MTM1: variants seen among roughly 807,000 people sequenced by gnomAD.
The protein encoded by MTM1 is myotubularin 1.
A neutral mutation model predicts 52.1 loss-of-function variants in MTM1; 9 were observed. That is an observed-to-expected ratio of 0.17 (90% confidence interval 0.10 to 0.30). The LOEUF (loss-of-function observed/expected upper bound fraction) is 0.30. Ranked by LOEUF, MTM1 falls within the 10% of genes least tolerant of loss-of-function variation. MTM1 has a pLI of 1.00. For synonymous variants in MTM1, 136 were observed against 163.8 expected, an observed-to-expected ratio of 0.83 and a Z score of 1.29; for missense variants, 277 against 470.7, an observed-to-expected ratio of 0.59 and a Z score of 3.81.
chrX:150,582,759 C>A (rs979135904), intron 1 of MTM1, among the ~76,000 whole-genome samples: 1 of 110,181 alleles, frequency 9.1e-6, no homozygotes, highest in Non-Finnish European at 1.9e-5. Context: ...CCCCTAGAGG[C>A]TCCAGATGGC....
At chrX:150,591,025 T>C in intron 1 of MTM1, 1 of 751,295 alleles carries the variant, frequency 1.3e-6, no homozygotes, top group African/African-American at 2.3e-5. Context: ...GTTATTTTGC[T>C]TGGACATGAA....
At chrX:150,619,161 A>G (rs782454309) in intron 6 of MTM1, 22 bp downstream of exon 6, 1 of 1,114,289 alleles carries the variant, frequency 9.0e-7, no homozygotes, top group Non-Finnish European at 1.2e-6. Flanking sequence ...TGCTCTCCTC[A>G]GCGTGGGAAG....
intron 6 of MTM1, among the ~76,000 whole-genome samples, chrX:150,624,663 T>C (rs1240047621): frequency 8.9e-6 from 1 of 111,780 alleles, no homozygotes; most frequent in African/African-American, 3.3e-5. Context: ...CATTTTAAAA[T>C]AGAATAGAAT....
At chrX:150,671,369 C>T (rs1410616736) in intron 14 of MTM1, 59 bp from the exon 15 acceptor site, 9 of 1,172,664 alleles carry the variant, frequency 7.7e-6, no homozygotes, top group East Asian at 3.0e-5. Context: ...GGGTGGAACA[C>T]GTGAGTTCTC....
chrX:150,639,006 G>C lies in MTM1; in HGVS notation c.508G>C (p.Val170Leu), dbSNP rs782274835. Residue 170 changes from valine (V) to leucine (L), a missense_variant, in exon 7 of 15, where the codon GTG becomes CTG. Around this residue, in one of 4 missense-constraint regions of MTM1, gnomAD observed 164 missense variants for 283.3 expected, o/e 0.58. Transcript: ENST00000370396. ...GGATGGATGGACAGTTTACAATCCA[G>C]TGGAAGAATACAGGAGGCAGGTAAG... Reference protein sequence around the residue: ...NVDGWTVYNPVEEYRRQGLPN... With the variant: ...NVDGWTVYNPLEEYRRQGLPN... The C allele has an allele frequency of 2.2e-5, 26 of 1,203,895 alleles. No individual in the cohort carries two copies. The East Asian group carries it at 7.7e-4, about 36-fold the overall frequency.
rs191553188 is a variant in MTM1 at position 150,596,579 on chromosome X, C to T, written c.136+9C>T. The T allele has an allele frequency of 6.0e-4, 713 of 1,193,665 alleles. 3 individuals are homozygous for T. In the African/African-American group the frequency reaches 0.01, roughly 18 times the overall value. ...AGAAACACTAATCACTGGTAAGGAC[C>T]TGCTGACATAAGATTTGCATAACTT... On this transcript the variant is annotated intron_variant, in intron 3 of 14. Transcript: ENST00000370396.
rs782462553 is a variant in MTM1 at position 150,649,801 on chromosome X, G to A, written c.953G>A (p.Arg318Gln). ...GACATTCATAATATTCATGTTATGCGGGAATCTTTAAAAAAAGTGAAGGAC... is the reference window on the plus strand; with the variant it reads ...GACATTCATAATATTCATGTTATGCAGGAATCTTTAAAAAAAGTGAAGGAC... ...FLDIHNIHVM[R>Q]ESLKKVKDIV... Residue 318 changes from arginine (R) to glutamine (Q), a missense_variant, in exon 10 of 15, where the codon CGG becomes CAG. Around this residue, in one of 4 missense-constraint regions of MTM1, gnomAD observed 164 missense variants for 283.3 expected, o/e 0.58. Coordinates refer to ENST00000370396, the MANE Select transcript of MTM1 (RefSeq NM_000252.3). 1 of 1,207,448 alleles carries A rather than the reference G, an allele frequency of 8.3e-7. No individual in the cohort carries two copies. The highest frequency in any genetic ancestry group is 2.2e-5 in the Admixed American group (1 of 45,884).
intron 1 of MTM1, among the ~76,000 whole-genome samples, chrX:150,591,425 T>C (rs2038883588): frequency 8.9e-6 from 1 of 112,711 alleles, no homozygotes; most frequent in Admixed American, 9.4e-5. Context: ...TGTTGAACTC[T>C]CACGGGGGAA....
At chrX:150,619,694 C>A (rs1185966244) in intron 6 of MTM1, among the ~76,000 whole-genome samples, 2 of 111,679 alleles carry the variant, frequency 1.8e-5, no homozygotes, top group Non-Finnish European at 3.8e-5. Flanking sequence ...GCTTGTAGAA[C>A]AATCTTTCTT....
intron 6 of MTM1, among the ~76,000 whole-genome samples, chrX:150,619,974 A>T (rs2039449565): frequency 8.9e-6 from 1 of 112,209 alleles, no homozygotes; most frequent in South Asian, 3.7e-4. Flanking sequence ...AATGCTTGGG[A>T]ACAAATGTGC....
chrX:150,641,192 GGAA>G (rs1557413843), intron 7 of MTM1, 74 bp from the exon 8 acceptor site: 2 of 1,108,193 alleles, frequency 1.8e-6, no homozygotes, highest in Non-Finnish European at 2.5e-6. Flanking sequence ...ATTGCTAGAA[GGAA>G]GAAAAGAGGC....
At chrX:150,625,119 A>G (rs2039545365) in intron 6 of MTM1, among the ~76,000 whole-genome samples, 1 of 111,510 alleles carries the variant, frequency 9.0e-6, no homozygotes, top group African/African-American at 3.3e-5. Flanking sequence ...ATTGGAGTCC[A>G]GTGGTCTATG....
At chrX:150,615,251 C>T (rs1445526893) in intron 5 of MTM1, among the ~76,000 whole-genome samples, 1 of 111,258 alleles carries the variant, frequency 9.0e-6, no homozygotes, top group East Asian at 2.8e-4. Flanking sequence ...GATGGGAGCC[C>T]GAGGCTCCAA....
intron 5 of MTM1, among the ~76,000 whole-genome samples, chrX:150,617,289 C>T (rs1448211276): frequency 8.9e-6 from 1 of 112,218 alleles, no homozygotes; most frequent in East Asian, 2.8e-4. Flanking sequence ...TACCATCTGA[C>T]TTGCGGCTGT....
intron 4 of MTM1, among the ~76,000 whole-genome samples, chrX:150,600,160 C>G (rs2039045062): frequency 9.0e-6 from 1 of 111,260 alleles, no homozygotes; most frequent in Non-Finnish European, 1.9e-5. Context: ...TCCTTTCCAG[C>G]ATTTCTGATG....
In MTM1 at chrX:150,573,133, C is replaced by T. The variant is rs1175736537; in HGVS notation, c.-11+4471C>T. On this transcript the variant is annotated intron_variant, in intron 1 of 14. Coordinates refer to ENST00000370396, the MANE Select transcript of MTM1 (RefSeq NM_000252.3). ...TTTAACTTGAACTAGACAAAGGAGG[C>T]CAGCTTAGAATTGTTCACACATGAT... Among the ~76,000 whole-genome samples the T allele has an allele frequency of 2.7e-5, 3 of 112,582 alleles. No individual in the cohort carries two copies. In the Admixed American group the frequency reaches 2.8e-4, roughly 11 times the overall value.
intron 4 of MTM1, among the ~76,000 whole-genome samples, chrX:150,603,348 C>T (rs2039098420): frequency 1.8e-5 from 2 of 111,826 alleles, no homozygotes; most frequent in Middle Eastern, 4.6e-3. Context: ...GCAAGTTACA[C>T]AGACAATGAC....
At chrX:150,573,965 G>T (rs1557411542) in intron 1 of MTM1, among the ~76,000 whole-genome samples, 1 of 111,574 alleles carries the variant, frequency 9.0e-6, no homozygotes, top group Admixed American at 9.5e-5. Context: ...CGGTTAACAC[G>T]GGTTATGTGA....
At chrX:150,580,451 T>C (rs2038559679) in intron 1 of MTM1, among the ~76,000 whole-genome samples, 1 of 111,738 alleles carries the variant, frequency 8.9e-6, no homozygotes, top group Non-Finnish European at 1.9e-5. Flanking sequence ...ATTTTAGAAC[T>C]GGAATTTCTT....
Sources: allele counts gnomAD v4.1 joint callset (sites outside exome capture counted in the v4.1 genomes callset), GRCh38; gene constraint gnomAD v4.1.1; regional missense constraint gnomAD v4.1.1; transcripts MANE v1.5; gene names NCBI Gene and HGNC (gene_info 2026-07-23, HGNC 2026-07-21).